The following NLGN2 variants were observed in gnomAD, a reference collection of about 807,000 sequenced individuals.
NLGN2 encodes neuroligin 2, also known as neuroligin-2.
NLGN2 carries 11 observed loss-of-function variants against 48.6 expected under a neutral mutation model. That is an observed-to-expected ratio of 0.23 (90% CI 0.14 to 0.37). NLGN2 has a LOEUF of 0.37. NLGN2 is among the 10% of genes least tolerant of loss of function. NLGN2 has a pLI of 1.00. For missense variants in NLGN2, 801 were observed against 1,225.2 expected (o/e 0.65, Z 5.17); for synonymous variants, 548 against 550.0 (o/e 1.00, Z 0.05).
At chr17:7,406,809 G>C (rs1409649293), upstream of NLGN2, among the ~76,000 whole-genome samples, 15 of 152,116 alleles carry the variant, frequency 9.9e-5, no homozygotes, top group Admixed American at 9.8e-4. Context: ...GGTTGGGATG[G>C]GAAGAGAAGA....
chr17:7,417,710 C>CCA lies in NLGN2; in HGVS notation c.2419_2420insCA (p.His807ProfsTer99). The CCA allele has an allele frequency of 8.2e-7, 1 of 1,224,120 alleles. No homozygotes were observed. The highest frequency in any genetic ancestry group is 1.1e-6 in the Non-Finnish European group (1 of 948,754). The allele number at this position is 1,224,120 out of a possible 1,614,324, so 75.8% of individuals were successfully genotyped here. On this transcript the variant is annotated frameshift_variant, in exon 7 of 7. Transcript: ENST00000302926. LOFTEE classifies it high-confidence loss of function. ...GCCACCCCCACCGCCCCCCTCCCTT[C>CCA]ATCCCTTCGGGCCCTTCCCCCCGCC...
chr17:7,416,457 C>T (rs982853996), intron 6 of NLGN2, among the ~76,000 whole-genome samples: 49 of 152,112 alleles, frequency 3.2e-4, no homozygotes, highest in African/African-American at 1.0e-3. Context: ...TGTGTCTCTA[C>T]TTCTGTCTCT....
chr17:7,417,216 G>A lies in NLGN2; in HGVS notation c.1925G>A (p.Arg642Gln), dbSNP rs755197123. The change falls in exon 7 of 7, where the codon CGG becomes CAG. Residue 642 changes from arginine (R) to glutamine (Q), a missense_variant. By Grantham distance (43) the Arg-to-Gln change is conservative. Coordinates refer to ENST00000302926, the MANE Select transcript of NLGN2 (RefSeq NM_020795.4). The part of the protein sequence containing the change: ...RPPAGAPGTR[R>Q]PPPPATLPPE... ...CCCGCTGGCGCCCCGGGCACACGCC[G>A]GCCCCCGCCGCCTGCCACCCTGCCT... 2.0e-5 allele frequency: 30 copies of A among 1,537,666 alleles called. No individual in the cohort carries two copies. The highest frequency in any genetic ancestry group is 1.2e-4 in the East Asian group (5 of 40,656).
Position 7,408,849 on chromosome 17 carries a change from A to C in NLGN2, c.457+137A>C. On this transcript the variant is annotated intron_variant, in intron 1 of 6. Transcript: ENST00000302926. This position sits in a 1 kb window ranked among gnomAD's most constrained non-coding sequence, Gnocchi z 7.5. ...GCAGTGAGGGACGGAGTGTCCCTGC[A>C]ACCTCTACGTGCCCCCTGAGGATTG... The C allele has an allele frequency of 2.0e-6, 3 of 1,472,060 alleles. No homozygotes were observed. Among genetic ancestry groups the C allele is most frequent in the Non-Finnish European group, 2.8e-6 (3 of 1,076,328 alleles). The allele number at this position is 1,472,060 out of a possible 1,614,324, so 91.2% of individuals were successfully genotyped here.
chr17:7,416,833 C>T, intron 6 of NLGN2, 93 bp from the exon 7 acceptor site: 2 of 1,461,276 alleles, frequency 1.4e-6, no homozygotes, highest in Non-Finnish European at 1.9e-6. Flanking sequence ...CCCTGTCTCT[C>T]TGCATCTCTG....
Position 7,414,324 on chromosome 17 carries a change from G to GCC in NLGN2, c.509-18_509-17dup. 5.6e-6 allele frequency: 8 copies of GCC among 1,434,760 alleles called. No individual in the cohort carries two copies. The Admixed American group carries it at 6.8e-5, about 12-fold the overall frequency. 88.9% of individuals were successfully genotyped at this position (1,434,760 alleles called of 1,614,324 possible). On this transcript the variant is annotated intron_variant, in intron 2 of 6. Transcript: ENST00000302926. ...TTGTCCCTGACCCCCTGGCCCACCTGCCCACCCCTCCCCACACAGATATCC... is the reference window on the plus strand; with the variant it reads ...TTGTCCCTGACCCCCTGGCCCACCTGCCCCCACCCCTCCCCACACAGATATCC...
chr17:7,417,811 G>A lies in NLGN2; in HGVS notation c.*12G>A, dbSNP rs2150819086. 1 of 1,346,666 alleles carries A rather than the reference G, an allele frequency of 7.4e-7. No individual in the cohort carries two copies. The highest frequency in any genetic ancestry group is 3.0e-5 in the East Asian group (1 of 33,162). 83.4% of individuals were successfully genotyped at this position (1,346,666 alleles called of 1,614,324 possible). On this transcript the variant is annotated 3_prime_UTR_variant, in exon 7 of 7. Transcript: ENST00000302926. ...CCACTCGGGTATAGGGGGTGGGTGGGGAGGCCCTCCTCCCCGGCCCTCCCT... is the reference window on the plus strand; with the variant it reads ...CCACTCGGGTATAGGGGGTGGGTGGAGAGGCCCTCCTCCCCGGCCCTCCCT...
In NLGN2 at chr17:7,408,334, G is replaced by A; in HGVS notation, c.79G>A (p.Gly27Ser). The change falls in exon 1 of 7, where the codon GGC becomes AGC. Residue 27 changes from glycine (G) to serine (S), a missense_variant. Physicochemically the swap from Gly to Ser is moderately conservative, Grantham distance 56. Transcript: ENST00000302926. This position sits in a 1 kb window ranked among gnomAD's most constrained non-coding sequence, Gnocchi z 7.5. The stretch of plus-strand genomic sequence containing the variant: ...AGGGGGTCCCGGCGGCGGCGCCCCG[G>A]GCGGCCCCGGCCTGGGCCTCGGCAG... ...GGGGPGGGAPGGPGLGLGSLG... is the reference protein window; with the variant it reads ...GGGGPGGGAPSGPGLGLGSLG... 7.0e-7 allele frequency: 1 copy of A among 1,431,198 alleles called. No individual in the cohort carries two copies. Among genetic ancestry groups the A allele is most frequent in the Non-Finnish European group, 9.1e-7 (1 of 1,099,306 alleles). The allele number at this position is 1,431,198 out of a possible 1,614,324, so 88.7% of individuals were successfully genotyped here. A position where few individuals can be genotyped will look rare whatever the true frequency, so the allele number is the denominator to read the frequency against.
In NLGN2 at chr17:7,413,258, G is replaced by A. The variant is rs1906971755; in HGVS notation, c.508+1051G>A. Among the ~76,000 whole-genome samples, 2 of 152,344 alleles carry A rather than the reference G, an allele frequency of 1.3e-5. No homozygotes were observed. The highest frequency in any genetic ancestry group is 2.1e-4 in the South Asian group (1 of 4,828). ...GGCAGGAAGCTGTCTGTGAGGTCAA[G>A]GAGAATGTCTTAGTGACCTGCAGGT... On this transcript the variant is annotated intron_variant, in intron 2 of 6. Transcript: ENST00000302926. The surrounding 1 kb of genome is among the most constrained non-coding windows in gnomAD (Gnocchi z 4.9).
At chr17:7,410,898 AAAG>A (rs1200318236) in intron 1 of NLGN2, among the ~76,000 whole-genome samples, 3 of 152,262 alleles carry the variant, frequency 2.0e-5, no homozygotes, top group African/African-American at 7.2e-5. Flanking sequence ...ATCCTCTCAC[AAAG>A]AAGAGGCCCT....
rs1402829986 is a variant in NLGN2, at chr17:7,417,776, C to A, written c.2485C>A (p.Pro829Thr). The stretch of plus-strand genomic sequence containing the variant: ...CAGCCACAACAACACGCTACCCCAC[C>A]CCCACTCCACCACTCGGGTATAGGG... ...ATSHNNTLPH[P>T]HSTTRV is the part of the protein sequence containing the mutation. The change falls in exon 7 of 7, where the codon CCC becomes ACC. Residue 829 changes from proline (P) to threonine (T), a missense_variant. By Grantham distance (38) the Pro-to-Thr change is conservative (BLOSUM62 -1). Transcript: ENST00000302926. 3 of 1,384,884 alleles carry A rather than the reference C, an allele frequency of 2.2e-6. No homozygotes were observed. The highest frequency in any genetic ancestry group is 3.1e-5 in the African/African-American group (2 of 65,536). 85.8% of individuals were successfully genotyped at this position (1,384,884 alleles called of 1,614,324 possible).
Position 7,413,273 on chromosome 17 carries a change from G to T in NLGN2, c.508+1066G>T, listed in dbSNP as rs1906972527. ...GTGAGGTCAAGGAGAATGTCTTAGT[G>T]ACCTGCAGGTTGACCTTCTGGCAGG... On this transcript the variant is annotated intron_variant, in intron 2 of 6. Coordinates refer to ENST00000302926, the MANE Select transcript of NLGN2 (RefSeq NM_020795.4). The surrounding 1 kb of genome is among the most constrained non-coding windows in gnomAD (Gnocchi z 4.9). Among the ~76,000 whole-genome samples, 1 of 152,212 alleles carries T rather than the reference G, an allele frequency of 6.6e-6. No individual in the cohort carries two copies. Among genetic ancestry groups the T allele is most frequent in the Non-Finnish European group, 1.5e-5 (1 of 68,038 alleles).
At chr17:7,405,649 CG>C (rs1363670212), upstream of NLGN2, 1 of 153,216 alleles carries the variant, frequency 6.5e-6, no homozygotes, top group Non-Finnish European at 1.5e-5. The surrounding 1 kb of genome is among the most constrained non-coding windows in gnomAD (Gnocchi z 6.8). Flanking sequence ...GGCTGCGTGG[CG>C]GTCCACTGGG....
At position 7,411,482 on chromosome 17, in the gene NLGN2, G is replaced by C. The variant is rs1177959903; in HGVS notation, c.458-675G>C. On this transcript the variant is annotated intron_variant, in intron 1 of 6. Coordinates refer to ENST00000302926, the MANE Select transcript of NLGN2 (RefSeq NM_020795.4). This position sits in a 1 kb window ranked among gnomAD's most constrained non-coding sequence, Gnocchi z 4.5. ...GACGAGAAGTGCTGGTGGTGAGGCT[G>C]GGTAGCGGGCGGGCAGCCCCAGCTG... Among the ~76,000 whole-genome samples, 2 of 152,234 alleles carry C rather than the reference G, an allele frequency of 1.3e-5. No homozygotes were observed. The highest frequency in any genetic ancestry group is 6.5e-5 in the Admixed American group (1 of 15,290).
rs2241233 is a variant in NLGN2 at position 7,415,077 on chromosome 17, C to T, written c.966C>T (p.Ser322=). The T allele has an allele frequency of 0.84, 1,354,501 of 1,613,126 alleles. 573,929 individuals carry two copies. The highest frequency in any genetic ancestry group is 0.94 in the East Asian group (42,227 of 44,860). The part of the protein sequence containing the change: ...AAKVGCDRED[S]AEAVECLRRK... ...AGGTGGGCTGTGACCGAGAGGACAG[C>T]GCTGAAGCTGTGGAGTGTCTGCGCC... Residue 322 remains serine, a synonymous_variant, in exon 5 of 7, where the codon AGC becomes AGT. Transcript: ENST00000302926.
At position 7,413,903 on chromosome 17, in the gene NLGN2, G is replaced by A. The variant is rs1318105539; in HGVS notation, c.509-441G>A. 6.6e-6 allele frequency among the ~76,000 whole-genome samples: 1 copy of A among 152,130 alleles called. No individual in the cohort carries two copies. Among genetic ancestry groups the A allele is most frequent in the Non-Finnish European group, 1.5e-5 (1 of 68,018 alleles). On this transcript the variant is annotated intron_variant, in intron 2 of 6. Coordinates refer to ENST00000302926, the MANE Select transcript of NLGN2 (RefSeq NM_020795.4). The surrounding 1 kb of genome is among the most constrained non-coding windows in gnomAD (Gnocchi z 4.9). ...CCCACCGACCAGGGTGCCATGTGGA[G>A]TGGAGGCCCAAGGCCTGAGTCGGAG...
At chr17:7,409,974 C>A (rs1906810049) in intron 1 of NLGN2, among the ~76,000 whole-genome samples, 1 of 152,082 alleles carries the variant, frequency 6.6e-6, no homozygotes, top group Non-Finnish European at 1.5e-5. Context: ...ATCCACACAT[C>A]CAGTAACCTG....
At position 7,408,906 on chromosome 17, in the gene NLGN2, ACT is replaced by A. The variant is rs1184468927; in HGVS notation, c.457+197_457+198del. Reference sequence around the variant, plus strand: ...TGCCTCCAGGCAGTCCCAGGCACACACTCTGCAGACAGCCTCTCCATAAGTTC... The same window carrying A: ...TGCCTCCAGGCAGTCCCAGGCACACACTGCAGACAGCCTCTCCATAAGTTC... On this transcript the variant is annotated intron_variant, in intron 1 of 6. Transcript: ENST00000302926. This position sits in a 1 kb window ranked among gnomAD's most constrained non-coding sequence, Gnocchi z 7.5. Among the ~76,000 whole-genome samples the A allele has an allele frequency of 1.3e-5, 2 of 151,930 alleles. No homozygotes were observed. The highest frequency in any genetic ancestry group is 2.9e-5 in the Non-Finnish European group (2 of 67,952).
Position 7,417,492 on chromosome 17 carries a change from G to T in NLGN2, c.2201G>T (p.Arg734Leu), listed in dbSNP as rs569531527. 6.6e-7 allele frequency: 1 copy of T among 1,525,352 alleles called. No homozygotes were observed. The highest frequency in any genetic ancestry group is 1.8e-4 in the Middle Eastern group (1 of 5,602). The allele number at this position is 1,525,352 out of a possible 1,614,324, so 94.5% of individuals were successfully genotyped here. ...GGGPLLPAAG[R>L]ELPPEEELVS... Reference sequence around the variant, plus strand: ...GGCCCCCTGCTCCCCGCCGCGGGCCGTGAGCTGCCACCAGAGGAGGAGCTG... The same window carrying T: ...GGCCCCCTGCTCCCCGCCGCGGGCCTTGAGCTGCCACCAGAGGAGGAGCTG... The change falls in exon 7 of 7, where the codon CGT becomes CTT. Residue 734 changes from arginine (R) to leucine (L), a missense_variant. By Grantham distance (102) the Arg-to-Leu change is moderately radical. This residue lies in a region of NLGN2 where 276 missense variants were observed against 313.9 expected (regional missense o/e 0.88). Coordinates refer to ENST00000302926, the MANE Select transcript of NLGN2 (RefSeq NM_020795.4).
Sources: allele counts gnomAD v4.1 joint callset (sites outside exome capture counted in the v4.1 genomes callset), GRCh38; gene constraint gnomAD v4.1.1; regional missense constraint gnomAD v4.1.1; non-coding constraint Gnocchi (gnomAD v3.1); transcripts MANE v1.5; gene names NCBI Gene and HGNC (gene_info 2026-07-23, HGNC 2026-07-21).